STAG1: variants seen among roughly 807,000 people sequenced by gnomAD.
STAG1 encodes cohesin subunit SA-1.
STAG1 carries 26 observed loss-of-function variants against 170.9 expected under a neutral mutation model. That is an observed-to-expected ratio of 0.15 (90% CI 0.11 to 0.21). The LOEUF is 0.21. Among genes scored for constraint, STAG1 ranks in the 10% least tolerant of loss-of-function variants. STAG1 has a pLI of 1.00. For missense variants in STAG1, 964 were observed against 1,509.5 expected (o/e 0.64, Z 5.99); for synonymous variants, 514 against 497.7 (o/e 1.03, Z -0.44).
At chr3:136,750,465 TAC>T (rs1240926963) in intron 1 of STAG1, among the ~76,000 whole-genome samples, 1 of 152,238 alleles carries the variant, frequency 6.6e-6, no homozygotes, top group African/African-American at 2.4e-5. Context: ...CAATCAAATC[TAC>T]AGTCATTTTA....
chr3:136,567,146 T>C (rs1043322530), intron 5 of STAG1, among the ~76,000 whole-genome samples: 5 of 152,200 alleles, frequency 3.3e-5, no homozygotes, highest in African/African-American at 1.2e-4. Flanking sequence ...TTTTGAACCA[T>C]GAAAATAAAT....
At chr3:136,420,268 A>G (rs901646963) in intron 20 of STAG1, among the ~76,000 whole-genome samples, 2 of 150,980 alleles carry the variant, frequency 1.3e-5, no homozygotes. Flanking sequence ...AAAAAAAAAA[A>G]GTAATTCAGT....
chr3:136,590,483 ACT>A (rs1205867501), intron 4 of STAG1, among the ~76,000 whole-genome samples: 1 of 150,492 alleles, frequency 6.6e-6, no homozygotes, highest in Non-Finnish European at 1.5e-5. Flanking sequence ...ACAGAACAAG[ACT>A]CTGTCTCAAA....
At position 136,585,401 on chromosome 3, in the gene STAG1, C is replaced by T. The variant is rs1035412731; in HGVS notation, c.298-16540G>A. On this transcript the variant is annotated intron_variant, in intron 4 of 33. Coordinates refer to ENST00000383202, the MANE Select transcript of STAG1 (RefSeq NM_005862.3). ...AGGTTGCAGTGAGCCGAGATCACGC[C>T]GCTGCACTACAGCCTGGGCGACAGA... Among the ~76,000 whole-genome samples the T allele has an allele frequency of 2.0e-5, 3 of 152,156 alleles. No individual in the cohort carries two copies. In the East Asian group the frequency reaches 5.8e-4, roughly 29 times the overall value.
rs756433477 is a variant in STAG1, at chr3:136,340,484, T to C, written c.3672+7A>G. 6.4e-7 allele frequency: 1 copy of C among 1,567,964 alleles called. No individual in the cohort carries two copies. Among genetic ancestry groups the C allele is most frequent in the South Asian group, 1.1e-5 (1 of 90,168 alleles). ...TAACAAAAGAAAAATATAGTGAATT[T>C]CTCTACCAGATCAATAACCATGGTG... is the stretch of plus-strand genomic sequence containing the variant. On this transcript the variant is annotated splice_region_variant and intron_variant, in intron 32 of 33. Transcript: ENST00000383202.
Position 136,514,162 on chromosome 3 carries a change from G to A in STAG1, c.676+7051C>T, listed in dbSNP as rs553069097. 8.1e-4 allele frequency among the ~76,000 whole-genome samples: 123 copies of A among 152,186 alleles called. 1 individual carries two copies. Among genetic ancestry groups the A allele is most frequent in the African/African-American group, 2.9e-3 (121 of 41,530 alleles). ...ATATTCTAGTGTACAATATGAAAAC[G>A]AAAAGTATGTTAAAACATTTTTCAA... On this transcript the variant is annotated intron_variant, in intron 7 of 33. Coordinates refer to ENST00000383202, the MANE Select transcript of STAG1 (RefSeq NM_005862.3).
chr3:136,458,158 T>C (rs2089171691), intron 13 of STAG1, among the ~76,000 whole-genome samples: 1 of 151,958 alleles, frequency 6.6e-6, no homozygotes, highest in Non-Finnish European at 1.5e-5. Flanking sequence ...GTTTTGTTTG[T>C]TTGTTTGTTT....
intron 1 of STAG1, among the ~76,000 whole-genome samples, chr3:136,711,559 T>C (rs999895995): frequency 4.7e-5 from 6 of 128,194 alleles, no homozygotes; most frequent in African/African-American, 2.0e-4. Context: ...AGAGCATGTT[T>C]CAAGGAAAAA....
At chr3:136,671,985 G>A (rs1941993468) in intron 1 of STAG1, among the ~76,000 whole-genome samples, 1 of 152,188 alleles carries the variant, frequency 6.6e-6, no homozygotes, top group Non-Finnish European at 1.5e-5. Flanking sequence ...GTGACACAGG[G>A]GGTGGTAGTA....
At position 136,479,166 on chromosome 3, in the gene STAG1, C is replaced by T. The variant is rs865802030; in HGVS notation, c.903-1754G>A. ...TATGTATACATGTGCCATGCTGGTG[C>T]GCTGCACCCACCAACGTGTCATCTA... On this transcript the variant is annotated intron_variant, in intron 9 of 33. Coordinates refer to ENST00000383202, the MANE Select transcript of STAG1 (RefSeq NM_005862.3). 2.6e-3 allele frequency among the ~76,000 whole-genome samples: 378 copies of T among 145,300 alleles called. 2 individuals carry two copies. Among genetic ancestry groups the T allele is most frequent in the African/African-American group, 9.0e-3 (353 of 39,364 alleles).
intron 5 of STAG1, among the ~76,000 whole-genome samples, chr3:136,559,422 A>G (rs867417965): frequency 9.8e-5 from 15 of 152,340 alleles, no homozygotes; most frequent in Middle Eastern, 3.4e-3. Context: ...AGAGTATGTT[A>G]TCTAGCCAAT....
intron 6 of STAG1, among the ~76,000 whole-genome samples, chr3:136,522,161 T>A (rs564720071): frequency 4.9e-4 from 75 of 152,310 alleles, no homozygotes; most frequent in Non-Finnish European, 3.2e-4. Flanking sequence ...CAAGGTTGCC[T>A]GAATATTCTC....
chr3:136,528,495 C>CCA (rs34130364), intron 6 of STAG1, among the ~76,000 whole-genome samples: 3 of 72,048 alleles, frequency 4.2e-5, no homozygotes, highest in Non-Finnish European at 7.9e-5. Flanking sequence ...TGTCCCCGCA[C>CCA]CCCCCCCCCC....
chr3:136,367,974 T>C (rs1248839110), intron 24 of STAG1, among the ~76,000 whole-genome samples: 2 of 152,154 alleles, frequency 1.3e-5, no homozygotes, highest in Non-Finnish European at 2.9e-5. Context: ...CTGTCCTTAT[T>C]TGGAATCAAC....
intron 12 of STAG1, among the ~76,000 whole-genome samples, chr3:136,468,632 A>C (rs2089538116): frequency 6.6e-6 from 1 of 152,174 alleles, no homozygotes; most frequent in South Asian, 2.1e-4. Flanking sequence ...ACAGAAAAAG[A>C]GGGAATCCTC....
At chr3:136,652,082 TA>T (rs1377059727) in intron 1 of STAG1, among the ~76,000 whole-genome samples, 1 of 152,166 alleles carries the variant, frequency 6.6e-6, no homozygotes, top group African/African-American at 2.4e-5. Flanking sequence ...TTCTTGTGCA[TA>T]AAAGCAATAA....
intron 1 of STAG1, among the ~76,000 whole-genome samples, chr3:136,675,671 A>G (rs1559944358): frequency 1.3e-5 from 2 of 152,122 alleles, no homozygotes; most frequent in East Asian, 1.9e-4. Flanking sequence ...TCATCATACC[A>G]AAGAGACATC....
intron 6 of STAG1, among the ~76,000 whole-genome samples, chr3:136,536,161 C>T (rs1935610791): frequency 6.6e-6 from 1 of 152,024 alleles, no homozygotes; most frequent in Admixed American, 6.6e-5. Context: ...TTAAGCATCT[C>T]TCATAATGAG....
chr3:136,467,073 T>C (rs1372095074), intron 12 of STAG1, among the ~76,000 whole-genome samples: 1 of 152,222 alleles, frequency 6.6e-6, no homozygotes, highest in African/African-American at 2.4e-5. Context: ...AGACCATGGA[T>C]GCTAGAAAGA....
Sources: allele counts gnomAD v4.1 joint callset (sites outside exome capture counted in the v4.1 genomes callset), GRCh38; gene constraint gnomAD v4.1.1; transcripts MANE v1.5; gene names NCBI Gene and HGNC (gene_info 2026-07-23, HGNC 2026-07-21).